PRKN: variants seen among roughly 807,000 people sequenced by gnomAD.
PRKN encodes E3 ubiquitin-protein ligase parkin.
In PRKN, 56 loss-of-function variants were observed where a neutral mutation model predicts 59.5. The ratio of observed to expected loss-of-function variants is 0.94; its 90% CI spans 0.76 to 1.18. The LOEUF is 1.18. Among genes scored for constraint, PRKN ranks in the 50% most tolerant of loss-of-function variants. The pLI, the probability that PRKN is intolerant of heterozygous loss-of-function variation, is 0.00. For synonymous variants in PRKN, 250 were observed against 222.1 expected (o/e 1.13, Z -1.12); for missense variants, 657 against 596.4 (o/e 1.10, Z -1.06).
chr6:162,573,390 G>A (rs2803062), intron 1 of PRKN, among the ~76,000 whole-genome samples: 39,219 of 152,046 alleles, frequency 0.26, 6,135 homozygotes, highest in Non-Finnish European at 0.36. Flanking sequence ...CAGACTTTCA[G>A]TGCTCCCATG....
chr6:162,505,130 A>G (rs1250874568), intron 1 of PRKN, among the ~76,000 whole-genome samples: 1 of 152,206 alleles, frequency 6.6e-6, no homozygotes, highest in East Asian at 1.9e-4. Context: ...ATAGAGAGAA[A>G]TGTGTAAAGA....
intron 1 of PRKN, among the ~76,000 whole-genome samples, chr6:162,476,720 G>C (rs1386038441): frequency 1.3e-5 from 2 of 152,120 alleles, no homozygotes; most frequent in Non-Finnish European, 2.9e-5. Flanking sequence ...CCAGCCACAA[G>C]AGTAACACTG....
chr6:162,268,870 C>T (rs528646696), intron 2 of PRKN, among the ~76,000 whole-genome samples: 7 of 151,852 alleles, frequency 4.6e-5, no homozygotes, highest in East Asian at 1.9e-4. Context: ...ACCCCAGGTA[C>T]GAAGGAATGA....
chr6:161,763,145 C>T (rs375001080), intron 7 of PRKN, among the ~76,000 whole-genome samples: 2 of 152,098 alleles, frequency 1.3e-5, no homozygotes, highest in African/African-American at 4.8e-5. Flanking sequence ...AATATTTTTC[C>T]TGGACTGAAG....
chr6:161,663,486 A>C (rs1784620962), intron 7 of PRKN, among the ~76,000 whole-genome samples: 1 of 152,194 alleles, frequency 6.6e-6, no homozygotes. Context: ...AGCAGGGTCT[A>C]ATCGAACACA....
chr6:161,532,326 T>G (rs506428), intron 9 of PRKN, among the ~76,000 whole-genome samples: 61,961 of 151,844 alleles, frequency 0.41, 13,773 homozygotes, highest in South Asian at 0.64. Flanking sequence ...AAAAAATAAC[T>G]TTTTCATTGG....
rs907971480 is a variant in PRKN, at chr6:161,741,935, T to G, written c.871+43837A>C. On this transcript the variant is annotated intron_variant, in intron 7 of 11. Transcript: ENST00000366898. ...GGTAGTGAATAAGTCTCATGAGATC[T>G]GATGGGATTTATTTATTTATTTATT... Among the ~76,000 whole-genome samples the G allele has an allele frequency of 2.1e-5, 3 of 143,610 alleles. No homozygotes were observed. In the South Asian group the frequency reaches 7.0e-4, roughly 33 times the overall value. The allele number at this position is 143,610 out of a possible 152,430, so 94.2% of individuals were successfully genotyped here. A position where few individuals can be genotyped will look rare whatever the true frequency, so the allele number is the denominator to read the frequency against.
chr6:161,763,165 C>T (rs1170177330), intron 7 of PRKN, among the ~76,000 whole-genome samples: 3 of 152,224 alleles, frequency 2.0e-5, no homozygotes, highest in South Asian at 2.1e-4. Flanking sequence ...GTTTGAATCA[C>T]GCAAATGTCT....
At chr6:162,346,249 A>G (rs1404043118) in intron 2 of PRKN, among the ~76,000 whole-genome samples, 1 of 152,028 alleles carries the variant, frequency 6.6e-6, no homozygotes, top group Non-Finnish European at 1.5e-5. Flanking sequence ...GTTTTTTCCC[A>G]ATCTTAAAAA....
intron 1 of PRKN, among the ~76,000 whole-genome samples, chr6:162,682,583 C>G (rs1779813417): frequency 6.6e-6 from 1 of 152,058 alleles, no homozygotes; most frequent in Non-Finnish European, 1.5e-5. Flanking sequence ...AGGGGAACAA[C>G]AGGTACTGGG....
At chr6:162,346,877 ATATACATATATCTATATATGTGTC>A (rs1784425349) in intron 2 of PRKN, among the ~76,000 whole-genome samples, 6 of 152,002 alleles carry the variant, frequency 3.9e-5, no homozygotes, top group Admixed American at 6.6e-5. Flanking sequence ...ATCTATGGAT[ATATACATATATCTATATATGTGTC>A]TATATCTATT....
chr6:161,978,213 C>A (rs1781128264), intron 5 of PRKN, among the ~76,000 whole-genome samples: 1 of 152,056 alleles, frequency 6.6e-6, no homozygotes. Flanking sequence ...CCATGCCCAA[C>A]CAATTTTTTA....
Position 162,356,204 on chromosome 6 carries a change from C to A in PRKN, c.171+87106G>T, listed in dbSNP as rs554283794. Among the ~76,000 whole-genome samples, 3 of 152,248 alleles carry A rather than the reference C, an allele frequency of 2.0e-5. No homozygotes were observed. The South Asian group carries it at 6.2e-4, about 32-fold the overall frequency. On this transcript the variant is annotated intron_variant, in intron 2 of 11. Coordinates refer to ENST00000366898, the MANE Select transcript of PRKN (RefSeq NM_004562.3). ...TACTACTTAGCAGGATTACGCTATT[C>A]AATAAATTGACTACGTAATGTAGAA...
intron 2 of PRKN, among the ~76,000 whole-genome samples, chr6:162,304,024 A>C (rs1355579093): frequency 6.6e-6 from 1 of 152,118 alleles, no homozygotes; most frequent in African/African-American, 2.4e-5. Context: ...AACTGAAAAC[A>C]TACTGAAACA....
At position 162,163,503 on chromosome 6, in the gene PRKN, G is replaced by A. The variant is rs534237818; in HGVS notation, c.534+37628C>T. ...TAATGTGTGCTCTGGCTTGTAGCCC[G>A]AGGAGAACAGAAACAGGGGAAAAAC... On this transcript the variant is annotated intron_variant, in intron 4 of 11. Coordinates refer to ENST00000366898, the MANE Select transcript of PRKN (RefSeq NM_004562.3). Among the ~76,000 whole-genome samples, 48 of 149,522 alleles carry A rather than the reference G, an allele frequency of 3.2e-4. 6 individuals carry two copies. The highest frequency in any genetic ancestry group is 1.2e-3 in the African/African-American group (47 of 39,852).
At chr6:162,145,661 C>G (rs1781992221) in intron 4 of PRKN, among the ~76,000 whole-genome samples, 1 of 152,126 alleles carries the variant, frequency 6.6e-6, no homozygotes, top group Non-Finnish European at 1.5e-5. Flanking sequence ...ATAACAGAAT[C>G]TTTTTGGGTC....
At chr6:162,224,873 T>C (rs1039447437) in intron 3 of PRKN, among the ~76,000 whole-genome samples, 4 of 152,116 alleles carry the variant, frequency 2.6e-5, no homozygotes, top group Non-Finnish European at 4.4e-5. Context: ...GCAAAGCCAT[T>C]TTCTGATCAA....
chr6:162,453,405 C>A (rs934605814), intron 1 of PRKN, among the ~76,000 whole-genome samples: 1 of 151,906 alleles, frequency 6.6e-6, no homozygotes, highest in Non-Finnish European at 1.5e-5. Context: ...TTAGTAGAAA[C>A]CACATTAAGG....
At chr6:162,556,342 G>GGGGGGGGTGTGTGTGT (rs1175202893) in intron 1 of PRKN, among the ~76,000 whole-genome samples, 1 of 57,300 alleles carries the variant, frequency 1.7e-5, no homozygotes, top group Non-Finnish European at 3.3e-5. Flanking sequence ...CTACTCAGCT[G>GGGGGGGGTGTGTGTGT]GTGTGTGTGT....
Sources: gnomAD v4.1 joint callset for allele counts (sites outside exome capture counted in the v4.1 genomes callset) on GRCh38, gnomAD v4.1.1 for gene constraint, MANE v1.5 for transcripts, NCBI Gene and HGNC (gene_info 2026-07-23, HGNC 2026-07-21) for gene names.